Variants in TBC1D32 observed in about 807,000 individuals in gnomAD.
TBC1D32 encodes TBC1 domain family member 32.
In TBC1D32, 151 loss-of-function variants were observed where a neutral mutation model predicts 170.3. The ratio of observed to expected loss-of-function variants is 0.89; its 90% CI spans 0.78 to 1.01. TBC1D32 has a LOEUF of 1.01. TBC1D32 is among the 50% of genes least tolerant of loss of function. The pLI, the probability that TBC1D32 is intolerant of heterozygous loss-of-function variation, is 0.00. For missense variants in TBC1D32, 1,464 were observed against 1,457.1 expected, an observed-to-expected ratio of 1.00 and a Z score of -0.08; for synonymous variants, 498 against 488.0, an observed-to-expected ratio of 1.02 and a Z score of -0.27.
intron 15 of TBC1D32, among the ~76,000 whole-genome samples, chr6:121,263,542 C>T (rs559700080): frequency 1.3e-5 from 2 of 152,160 alleles, no homozygotes; most frequent in East Asian, 3.9e-4. Flanking sequence ...ATTAACGAGA[C>T]AGAAAATTAA....
chr6:121,085,931 G>A (rs970220340), intron 31 of TBC1D32, among the ~76,000 whole-genome samples: 1 of 152,042 alleles, frequency 6.6e-6, no homozygotes, highest in Admixed American at 6.6e-5. Flanking sequence ...TCTGACCAAG[G>A]TGTGAAGGTA....
chr6:121,287,398 G>A (rs1804044497), intron 12 of TBC1D32, among the ~76,000 whole-genome samples: 1 of 151,924 alleles, frequency 6.6e-6, no homozygotes, highest in South Asian at 2.1e-4. Flanking sequence ...GATTAGAAGA[G>A]ACAAAAAAGG....
At chr6:121,284,145 T>C (rs532179355) in intron 12 of TBC1D32, among the ~76,000 whole-genome samples, 2 of 152,196 alleles carry the variant, frequency 1.3e-5, no homozygotes, top group South Asian at 4.1e-4. Flanking sequence ...GTTTTACCAC[T>C]TATTTCGAAC....
chr6:121,092,707 C>A (rs961174028), intron 30 of TBC1D32, among the ~76,000 whole-genome samples: 1 of 152,064 alleles, frequency 6.6e-6, no homozygotes, highest in Admixed American at 6.6e-5. Flanking sequence ...CATGGACTTC[C>A]CTTAGTACAT....
chr6:121,322,926 TA>T (rs1431509532), intron 1 of TBC1D32, among the ~76,000 whole-genome samples: 1 of 152,156 alleles, frequency 6.6e-6, no homozygotes, highest in African/African-American at 2.4e-5. Context: ...CATTATGCTA[TA>T]ATTATACCCC....
chr6:121,268,773 A>C (rs1437045033), intron 15 of TBC1D32, among the ~76,000 whole-genome samples: 2 of 152,068 alleles, frequency 1.3e-5, no homozygotes, highest in African/African-American at 4.8e-5. Flanking sequence ...CCACAAAGAT[A>C]CTCCTCAAGA....
At chr6:121,177,558 T>C (rs1208160457) in intron 22 of TBC1D32, among the ~76,000 whole-genome samples, 3 of 152,184 alleles carry the variant, frequency 2.0e-5, no homozygotes, top group Admixed American at 1.3e-4. Context: ...TATAGTAGCA[T>C]ACAAATTTAG....
At chr6:121,104,837 C>G (rs963961597) in intron 30 of TBC1D32, among the ~76,000 whole-genome samples, 2 of 151,508 alleles carry the variant, frequency 1.3e-5, no homozygotes, top group Admixed American at 1.3e-4. Context: ...CAATTTTTCT[C>G]CAAGTAATTT....
intron 15 of TBC1D32, among the ~76,000 whole-genome samples, chr6:121,260,899 G>A (rs1799673151): frequency 1.3e-5 from 2 of 152,180 alleles, no homozygotes; most frequent in South Asian, 4.1e-4. Flanking sequence ...GCGAAGGACT[G>A]CAGCTATCAC....
In TBC1D32 at chr6:121,317,708, G is replaced by A. The variant is rs779179397; in HGVS notation, c.318-36C>T. 4.9e-6 allele frequency: 7 copies of A among 1,441,284 alleles called. No individual in the cohort carries two copies. In the African/African-American group the frequency reaches 5.8e-5, roughly 12 times the overall value. 89.3% of individuals were successfully genotyped at this position (1,441,284 alleles called of 1,614,324 possible). ...AAGGTAGTCTTAATAAGAGAAAGAC[G>A]ATCAGAAATTAAAACAGTCAACTAG... On this transcript the variant is annotated intron_variant, in intron 2 of 31. Coordinates refer to ENST00000398212, the MANE Select transcript of TBC1D32 (RefSeq NM_152730.6).
intron 30 of TBC1D32, among the ~76,000 whole-genome samples, chr6:121,092,069 C>G (rs1295256998): frequency 6.6e-6 from 1 of 152,100 alleles, no homozygotes; most frequent in South Asian, 2.1e-4. Context: ...ATGGAGTGAA[C>G]ATAGCCTTGT....
At chr6:121,192,082 A>C (rs187209966) in intron 22 of TBC1D32, among the ~76,000 whole-genome samples, 4 of 133,632 alleles carry the variant, frequency 3.0e-5, no homozygotes, top group African/African-American at 5.2e-5. Flanking sequence ...ATATATATAT[A>C]TCCTATTAGT....
chr6:121,291,100 G>A (rs1804781414), intron 12 of TBC1D32, among the ~76,000 whole-genome samples: 2 of 151,734 alleles, frequency 1.3e-5, no homozygotes, highest in Non-Finnish European at 2.9e-5. Flanking sequence ...GTATACATAT[G>A]TAACTAACCT....
At chr6:121,244,756 T>C (rs1241202730) in intron 17 of TBC1D32, among the ~76,000 whole-genome samples, 1 of 152,202 alleles carries the variant, frequency 6.6e-6, no homozygotes, top group Non-Finnish European at 1.5e-5. Flanking sequence ...ATTTATATGA[T>C]ATGGGTTATG....
intron 21 of TBC1D32, among the ~76,000 whole-genome samples, chr6:121,210,292 A>T (rs1792877746): frequency 1.3e-5 from 2 of 152,238 alleles, no homozygotes; most frequent in African/African-American, 4.8e-5. Context: ...ATAGAAAAGG[A>T]TGTTCTGTTC....
rs561004887 is a variant in TBC1D32, at chr6:121,316,541, G to A, written c.495+954C>T. ...AGCATGAAGAAAATTCACAATCTTT[G>A]TCACGTCCTCCATCACATCAGGTAA... On this transcript the variant is annotated intron_variant, in intron 3 of 31. Coordinates refer to ENST00000398212, the MANE Select transcript of TBC1D32 (RefSeq NM_152730.6). 2.4e-3 allele frequency among the ~76,000 whole-genome samples: 371 copies of A among 152,156 alleles called. 2 individuals carry two copies. The highest frequency in any genetic ancestry group is 8.5e-3 in the African/African-American group (354 of 41,524).
chr6:121,241,215 T>C (rs1314385546), intron 19 of TBC1D32, among the ~76,000 whole-genome samples: 1 of 152,148 alleles, frequency 6.6e-6, no homozygotes, highest in Non-Finnish European at 1.5e-5. Flanking sequence ...GAGTTCATTA[T>C]TTGCCATTGG....
rs189331005 is a variant in TBC1D32, at chr6:121,111,717, T to C, written c.3324+788A>G. 4.7e-4 allele frequency among the ~76,000 whole-genome samples: 72 copies of C among 152,118 alleles called. 1 individual carries two copies. Among genetic ancestry groups the C allele is most frequent in the Non-Finnish European group, 3.8e-4 (26 of 67,984 alleles). On this transcript the variant is annotated intron_variant, in intron 29 of 31. Coordinates refer to ENST00000398212, the MANE Select transcript of TBC1D32 (RefSeq NM_152730.6). ...TTTTAATATTTATTGTATTCCATGA[T>C]GAATTGATTTTATTTTCCTTATCAC... is the stretch of plus-strand genomic sequence containing the variant.
rs758113999 is a variant in TBC1D32 at position 121,241,469 on chromosome 6, C to T, written c.2241G>A (p.Lys747=). 10 of 1,611,920 alleles carry T rather than the reference C, an allele frequency of 6.2e-6. No individual in the cohort carries two copies. Among genetic ancestry groups the T allele is most frequent in the Non-Finnish European group, 8.5e-7 (1 of 1,179,018 alleles). Residue 747 remains lysine, a synonymous_variant, in exon 19 of 32, where the codon AAG becomes AAA. Coordinates refer to ENST00000398212, the MANE Select transcript of TBC1D32 (RefSeq NM_152730.6). ...TAATGAAAAGAAAACATTTACCTGA[C>T]TTTTTTAGTGCAATGCCACCTGCTG... ...STAAGGIALK[K]SGFINELITE...
Sources: gnomAD v4.1 joint callset for allele counts (sites outside exome capture counted in the v4.1 genomes callset) on GRCh38, gnomAD v4.1.1 for gene constraint, MANE v1.5 for transcripts, NCBI Gene and HGNC (gene_info 2026-07-23, HGNC 2026-07-21) for gene names.